SRGAP3: variants seen among roughly 807,000 people sequenced by gnomAD.
SRGAP3 encodes the protein SLIT-ROBO Rho GTPase activating protein 3.
Under a neutral mutation model 121.1 loss-of-function variants are expected in SRGAP3, and 39 were observed. The ratio of observed to expected loss-of-function variants is 0.32; its 90% CI spans 0.25 to 0.42. The LOEUF is 0.42. Ranked by LOEUF, SRGAP3 falls within the 10% of genes least tolerant of loss-of-function variation. The pLI is 1.00. For synonymous variants in SRGAP3, 601 were observed against 570.0 expected, an observed-to-expected ratio of 1.05 and a Z score of -0.77; for missense variants, 1,213 against 1,470.6, an observed-to-expected ratio of 0.82 and a Z score of 2.86.
chr3:9,018,019 C>A (rs777586522), intron 14 of SRGAP3, among the ~76,000 whole-genome samples: 1 of 152,184 alleles, frequency 6.6e-6, no homozygotes, highest in Non-Finnish European at 1.5e-5. Flanking sequence ...TCCCACTCAC[C>A]CTTCCTTCTG....
chr3:9,276,947 G>T (rs1182755364), intron 3 of SRGAP3, among the ~76,000 whole-genome samples: 1 of 152,234 alleles, frequency 6.6e-6, no homozygotes, highest in Non-Finnish European at 1.5e-5. Flanking sequence ...ACAATGCTGT[G>T]ATTCAGAGCT....
At chr3:9,227,806 G>A (rs1953044482) in intron 1 of SRGAP3, among the ~76,000 whole-genome samples, 2 of 152,184 alleles carry the variant, frequency 1.3e-5, no homozygotes, top group African/African-American at 4.8e-5. Context: ...AGGGGTTGGG[G>A]GGCAGTCAGA....
intron 12 of SRGAP3, among the ~76,000 whole-genome samples, chr3:9,029,481 C>G (rs1014178308): frequency 6.6e-6 from 1 of 152,146 alleles, no homozygotes; most frequent in African/African-American, 2.4e-5. Flanking sequence ...CAAACTCCAG[C>G]AACATTTACT....
chr3:9,285,366 C>A (rs761024419), intron 3 of SRGAP3, among the ~76,000 whole-genome samples: 1 of 152,140 alleles, frequency 6.6e-6, no homozygotes, highest in Non-Finnish European at 1.5e-5. Flanking sequence ...GAGAAAACAG[C>A]AGAAGCAGGA....
At chr3:9,270,748 G>A (rs954219052) in intron 3 of SRGAP3, among the ~76,000 whole-genome samples, 3 of 152,172 alleles carry the variant, frequency 2.0e-5, no homozygotes, top group African/African-American at 2.4e-5. Context: ...TAATTCAGAA[G>A]GGAGGTGGGA....
chr3:9,166,163 G>C (rs1950778362), intron 1 of SRGAP3, among the ~76,000 whole-genome samples: 1 of 152,144 alleles, frequency 6.6e-6, no homozygotes, highest in Non-Finnish European at 1.5e-5. Flanking sequence ...CATGTGTCTA[G>C]TCTATAACCT....
chr3:9,301,807 A>T (rs1438454222), intron 3 of SRGAP3, among the ~76,000 whole-genome samples: 1 of 152,248 alleles, frequency 6.6e-6, no homozygotes, highest in Non-Finnish European at 1.5e-5. Context: ...CAACCATGAG[A>T]GAGGAACAAT....
At chr3:9,121,650 G>A (rs1464833814) in intron 2 of SRGAP3, among the ~76,000 whole-genome samples, 2 of 152,216 alleles carry the variant, frequency 1.3e-5, no homozygotes, top group African/African-American at 4.8e-5. Context: ...CTCAGTTAAT[G>A]AACCCATGAG....
intron 2 of SRGAP3, among the ~76,000 whole-genome samples, chr3:9,114,816 T>G (rs1282946852): frequency 6.6e-6 from 1 of 152,216 alleles, no homozygotes; most frequent in African/African-American, 2.4e-5. Flanking sequence ...TCCTGATTGT[T>G]TGGTGCCTGT....
At chr3:9,265,085 C>A (rs572128111) in intron 3 of SRGAP3, among the ~76,000 whole-genome samples, 163 of 152,284 alleles carry the variant, frequency 1.1e-3, no homozygotes, top group African/African-American at 3.9e-3. Context: ...CTACAACCAT[C>A]TGATCTTTGA....
At chr3:9,164,727 A>G (rs1950722906) in intron 1 of SRGAP3, among the ~76,000 whole-genome samples, 1 of 152,208 alleles carries the variant, frequency 6.6e-6, no homozygotes, top group African/African-American at 2.4e-5. Context: ...CTTGCCAAAC[A>G]ATATAGGTAT....
chr3:9,128,852 G>A (rs191141512), intron 1 of SRGAP3, among the ~76,000 whole-genome samples: 48 of 152,312 alleles, frequency 3.2e-4, no homozygotes, highest in Middle Eastern at 6.8e-3. Flanking sequence ...ATGAGGTTGT[G>A]CAAAACTAGT....
chr3:9,124,892 C>T lies in SRGAP3; in HGVS notation c.93G>A (p.Gln31=), dbSNP rs1226850526. 2 of 1,614,206 alleles carry T rather than the reference C, an allele frequency of 1.2e-6. No homozygotes were observed. Among genetic ancestry groups the T allele is most frequent in the South Asian group, 2.2e-5 (2 of 91,090 alleles). The part of the protein sequence containing the change: ...IKEIRTQLVE[Q]FKCLEQQSES... Reference sequence around the variant, plus strand: ...CTGATTGCTGCTCCAGACATTTGAACTGCTCCACCAGCTGCGTGCGGATCT... The same window carrying T: ...CTGATTGCTGCTCCAGACATTTGAATTGCTCCACCAGCTGCGTGCGGATCT... The change falls in exon 2 of 22, where the codon CAG becomes CAA. Residue 31 remains glutamine (Q), a synonymous_variant. Coordinates refer to ENST00000383836, the MANE Select transcript of SRGAP3 (RefSeq NM_014850.4).
intron 1 of SRGAP3, among the ~76,000 whole-genome samples, chr3:9,208,691 C>A (rs1952345424): frequency 6.6e-6 from 1 of 152,214 alleles, no homozygotes; most frequent in Non-Finnish European, 1.5e-5. Context: ...TAGGCCAACT[C>A]ATCCAATGCT....
chr3:9,020,661 C>G (rs1164493006), intron 14 of SRGAP3, among the ~76,000 whole-genome samples: 1 of 152,196 alleles, frequency 6.6e-6, no homozygotes, highest in East Asian at 1.9e-4. Context: ...GGCTCTCAGT[C>G]CATAAATTGA....
intron 1 of SRGAP3, among the ~76,000 whole-genome samples, chr3:9,127,573 G>C (rs899181582): frequency 6.6e-6 from 1 of 152,176 alleles, no homozygotes; most frequent in Non-Finnish European, 1.5e-5. Flanking sequence ...TCGGTCTCTA[G>C]AGTAGCTGGG....
At chr3:9,058,536 G>T (rs1398764284) in intron 6 of SRGAP3, 64 bp from the exon 7 acceptor site, 2 of 1,490,662 alleles carry the variant, frequency 1.3e-6, no homozygotes, top group African/African-American at 1.4e-5. Context: ...GCGGTCACTG[G>T]CCACCACAGT....
At position 9,263,229 on chromosome 3, in the gene SRGAP3, G is replaced by A. The variant is rs961477111; in HGVS notation, n.442+62781C>T. 3.3e-5 allele frequency among the ~76,000 whole-genome samples: 5 copies of A among 152,168 alleles called. 1 individual carries two copies. Among genetic ancestry groups the A allele is most frequent in the African/African-American group, 1.2e-4 (5 of 41,436 alleles). ...ACACAGCTAAAGCAGTGCTTAAAGG[G>A]AAATTTATAGCACTAAATGCCCTCA... On this transcript the variant is annotated intron_variant and non_coding_transcript_variant, in intron 3 of 3. Transcript: ENST00000490889.
chr3:9,068,011 C>T (rs375219521), intron 4 of SRGAP3, among the ~76,000 whole-genome samples: 36 of 152,170 alleles, frequency 2.4e-4, no homozygotes, highest in African/African-American at 8.4e-4. Flanking sequence ...TCTCCAGGAC[C>T]CCACCTTCCC....
Sources: allele counts gnomAD v4.1 joint callset (sites outside exome capture counted in the v4.1 genomes callset), GRCh38; gene constraint gnomAD v4.1.1; transcripts MANE v1.5; gene names NCBI Gene and HGNC (gene_info 2026-07-23, HGNC 2026-07-21).